CCDC201: variants seen among roughly 807,000 people sequenced by gnomAD.
CCDC201 encodes coiled-coil domain containing 201, also known as coiled-coil domain-containing protein 201.
exon 3 of CCDC201, chr7:45,862,438 G>A (rs970949007): frequency 6.6e-6 from 1 of 152,194 alleles, no homozygotes; most frequent in Non-Finnish European, 1.5e-5. Flanking sequence ...AAGGAGGTAG[G>A]TACCCTCTAG....
At chr7:45,884,103 T>C in the CCDC201 span, among the ~76,000 whole-genome samples, 6 of 118,842 alleles carry the variant, frequency 5.0e-5, no homozygotes, top group African/African-American at 8.9e-5. Flanking sequence ...CTTTCTCTCC[T>C]CTCTCTCTTT....
chr7:45,873,063 G>A (rs562931881), exon 1 of CCDC201: 1 of 152,464 alleles, frequency 6.6e-6, no homozygotes, highest in Admixed American at 6.5e-5. Context: ...CCCACCCTGT[G>A]GCCCTCAGCA....
At chr7:45,882,916 C>T in the CCDC201 span, among the ~76,000 whole-genome samples, 1 of 152,204 alleles carries the variant, frequency 6.6e-6, no homozygotes, top group Admixed American at 6.5e-5. Context: ...CCAGTTGCCC[C>T]TGCACATACA....
In CCDC201 at chr7:45,868,171, G is replaced by T. The variant is rs113008371; in HGVS notation, c.19-1677C>A. Among the ~76,000 whole-genome samples, 1,219 of 152,280 alleles carry T rather than the reference G, an allele frequency of 8.0e-3. 19 individuals carry two copies. The highest frequency in any genetic ancestry group is 0.028 in the African/African-American group (1,164 of 41,546). ...TCTGAAGGCTTGACTGGGGATGGAG[G>T]TTCTATGCCAAGGTTGCTCACTACC... On this transcript the variant is annotated intron_variant, in intron 1 of 2. Coordinates refer to ENST00000636578, the Ensembl canonical transcript of CCDC201.
At chr7:45,868,749 C>T (rs564333385) in intron 1 of CCDC201, among the ~76,000 whole-genome samples, 4 of 152,242 alleles carry the variant, frequency 2.6e-5, no homozygotes, top group Non-Finnish European at 5.9e-5. Flanking sequence ...ACCCTGCCCT[C>T]AGCTTTCAGG....
upstream of CCDC201, among the ~76,000 whole-genome samples, chr7:45,873,394 A>C (rs1361998335): frequency 5.3e-5 from 8 of 151,420 alleles, no homozygotes; most frequent in African/African-American, 1.7e-4. Context: ...GAAAAAAAAA[A>C]AAACACGTTT....
At chr7:45,882,019 CCT>C in the CCDC201 span, among the ~76,000 whole-genome samples, 3 of 152,152 alleles carry the variant, frequency 2.0e-5, no homozygotes, top group Non-Finnish European at 4.4e-5. Context: ...TACATCATCC[CCT>C]GTGTTGATCA....
intron 2 of CCDC201, among the ~76,000 whole-genome samples, chr7:45,863,486 T>C (rs1332589761): frequency 6.6e-6 from 1 of 152,000 alleles, no homozygotes; most frequent in Non-Finnish European, 1.5e-5. Flanking sequence ...GCTGCGAGCA[T>C]GGAGTAGACG....
chr7:45,873,543 C>T (rs1467225388), upstream of CCDC201, among the ~76,000 whole-genome samples: 1 of 152,114 alleles, frequency 6.6e-6, no homozygotes, highest in Non-Finnish European at 1.5e-5. Context: ...TTGTTAGAGC[C>T]CAGAGCGCTG....
chr7:45,865,139 A>G (rs1029129962), intron 2 of CCDC201, among the ~76,000 whole-genome samples: 3 of 152,214 alleles, frequency 2.0e-5, no homozygotes, highest in African/African-American at 7.2e-5. Context: ...AGCTACTAGA[A>G]CAAGGCCAGA....
chr7:45,869,563 C>T (rs1457950514), intron 1 of CCDC201, among the ~76,000 whole-genome samples: 1 of 152,186 alleles, frequency 6.6e-6, no homozygotes, highest in Non-Finnish European at 1.5e-5. Context: ...TACTGTGTTG[C>T]TCTTGGAGTA....
In CCDC201 at chr7:45,864,501, C is replaced by T. The variant is rs527335399; in HGVS notation, c.478-1330G>A. On this transcript the variant is annotated intron_variant, in intron 2 of 2. Transcript: ENST00000636578. ...GTGCAGTGAAGAAGCAGTTAACCCC[C>T]GGGTGACCCTTGGTGGACAGTTCCC... is the stretch of plus-strand genomic sequence containing the variant. 4.6e-5 allele frequency among the ~76,000 whole-genome samples: 7 copies of T among 152,288 alleles called. No individual in the cohort carries two copies. The East Asian group carries it at 5.8e-4, about 13-fold the overall frequency.
chr7:45,883,953 C>G, the CCDC201 span, among the ~76,000 whole-genome samples: 1 of 146,972 alleles, frequency 6.8e-6, no homozygotes, highest in African/African-American at 2.5e-5. Context: ...CTTCCAGAAC[C>G]GATCTTTCTT....
chr7:45,876,165 G>C (rs1056450468), upstream of CCDC201, among the ~76,000 whole-genome samples: 1 of 152,272 alleles, frequency 6.6e-6, no homozygotes, highest in Admixed American at 6.5e-5. Context: ...GAGCCATCAG[G>C]GTGAGGCCAT....
chr7:45,865,291 T>A (rs549951266), intron 2 of CCDC201, among the ~76,000 whole-genome samples: 1 of 152,276 alleles, frequency 6.6e-6, no homozygotes, highest in Non-Finnish European at 1.5e-5. Context: ...CATCTCCAAT[T>A]AGCAAAGGAA....
chr7:45,868,748 TC>T (rs1786708858), intron 1 of CCDC201, among the ~76,000 whole-genome samples: 1 of 152,208 alleles, frequency 6.6e-6, no homozygotes, highest in African/African-American at 2.4e-5. Context: ...CACCCTGCCC[TC>T]AGCTTTCAGG....
At chr7:45,866,791 T>C (rs1445777694) in intron 1 of CCDC201, among the ~76,000 whole-genome samples, 1 of 152,208 alleles carries the variant, frequency 6.6e-6, no homozygotes, top group Non-Finnish European at 1.5e-5. Context: ...GATTGAAGCA[T>C]AGATAACATT....
chr7:45,877,059 C>T (rs562509307), upstream of CCDC201, among the ~76,000 whole-genome samples: 1 of 152,260 alleles, frequency 6.6e-6, no homozygotes, highest in African/African-American at 2.4e-5. Flanking sequence ...CTGACATGGG[C>T]CTTGGAGGGG....
the CCDC201 span, among the ~76,000 whole-genome samples, chr7:45,882,957 C>A: frequency 6.6e-6 from 1 of 152,150 alleles, no homozygotes; most frequent in East Asian, 1.9e-4. Flanking sequence ...ACATAAAATG[C>A]CTGTATGGTA....
Sources: allele counts gnomAD v4.1 joint callset (sites outside exome capture counted in the v4.1 genomes callset), GRCh38; gene constraint gnomAD v4.1.1; transcripts MANE v1.5; gene names NCBI Gene and HGNC (gene_info 2026-07-23, HGNC 2026-07-21).